EPB42: variants seen among roughly 807,000 people sequenced by gnomAD.
EPB42 encodes the protein protein 4.2.
In EPB42, 49 loss-of-function variants were observed where a neutral mutation model predicts 76.9. That is an observed-to-expected ratio of 0.64 (90% CI 0.51 to 0.81). The LOEUF (loss-of-function observed/expected upper bound fraction) is 0.81, where lower values mean the gene tolerates loss of function less well. EPB42 is among the 30% of genes least tolerant of loss of function. The probability of loss-of-function intolerance (pLI) is 0.00; values close to 1 mark genes in which losing one functional copy is unlikely to be tolerated. For missense variants in EPB42, 731 were observed against 867.6 expected (o/e 0.84, Z 1.98); for synonymous variants, 310 against 338.4 (o/e 0.92, Z 0.92).
At chr15:43,208,420 T>G in intron 7 of EPB42, 87 bp from the exon 8 acceptor site, 3 of 1,479,416 alleles carry the variant, frequency 2.0e-6, no homozygotes, top group Non-Finnish European at 2.8e-6. Flanking sequence ...GAGCTGTTGT[T>G]GTTCCAGTGG....
chr15:43,197,404 A>T lies in EPB42; in HGVS notation c.1974T>A (p.His658Gln). Residue 658 changes from histidine to glutamine, a missense_variant, in exon 13 of 13, where the codon CAT (histidine) becomes CAA (glutamine). Coordinates refer to ENST00000441366, the MANE Select transcript of EPB42 (RefSeq NM_001114134.2). Reference sequence around the variant, plus strand: ...CCACAGTGAGTCTCTGGAGCCCCACATGTGTTGGCGTGAACTGGAACTTGG... The same window carrying T: ...CCACAGTGAGTCTCTGGAGCCCCACTTGTGTTGGCGTGAACTGGAACTTGG... ...MCAKFQFTPT[H>Q]VGLQRLTVEV... The T allele has an allele frequency of 6.2e-7, 1 of 1,614,110 alleles. No homozygotes were observed. The highest frequency in any genetic ancestry group is 1.1e-5 in the South Asian group (1 of 91,078).
chr15:43,203,259 G>T lies in EPB42; in HGVS notation c.1635C>A (p.Ile545=). Reference sequence around the variant, plus strand: ...GCTCAAAATTGGAGAAGAACAGGCCGATGGTTATTATCTTTTCTGAAACAC... The same window carrying T: ...GCTCAAAATTGGAGAAGAACAGGCCTATGGTTATTATCTTTTCTGAAACAC... ...LSANLEKIIT[I]GLFFSNFERN... is the part of the protein sequence containing the mutation. Residue 545 remains isoleucine, a synonymous_variant, in exon 11 of 13, where the codon ATC becomes ATA. Coordinates refer to ENST00000441366, the MANE Select transcript of EPB42 (RefSeq NM_001114134.2). 6.2e-7 allele frequency: 1 copy of T among 1,614,174 alleles called. No homozygotes were observed. Among genetic ancestry groups the T allele is most frequent in the Non-Finnish European group, 8.5e-7 (1 of 1,180,038 alleles).
intron 2 of EPB42, 66 bp downstream of exon 2, chr15:43,216,202 G>T: frequency 3.2e-6 from 5 of 1,586,210 alleles, no homozygotes; most frequent in Non-Finnish European, 4.3e-6. Flanking sequence ...TCCCTAACAG[G>T]GTGCTGGAGA....
chr15:43,207,589 A>G (rs1596408862), intron 8 of EPB42, 148 bp from the exon 9 acceptor site: 4 of 1,325,454 alleles, frequency 3.0e-6, no homozygotes, highest in East Asian at 4.9e-5. Flanking sequence ...GGTTTCTGAG[A>G]GAGTCACAGA....
At chr15:43,213,110 A>G (rs1432630310) in intron 3 of EPB42, among the ~76,000 whole-genome samples, 1 of 152,104 alleles carries the variant, frequency 6.6e-6, no homozygotes, top group Non-Finnish European at 1.5e-5. Flanking sequence ...GAAGTCAGCT[A>G]GGCATCACTG....
chr15:43,206,516 G>A lies in EPB42; in HGVS notation c.1432C>T (p.Leu478Phe). The change falls in exon 10 of 13, where the codon CTC becomes TTC. Residue 478 changes from leucine (L) to phenylalanine (F), a missense_variant. Leu to Phe is a conservative substitution (Grantham distance 22). Transcript: ENST00000441366. This position sits in a 1 kb window ranked among gnomAD's most constrained non-coding sequence, Gnocchi z 4.7. ...GGTAGGGAGCTGGGTGCTTTCAAGAGCAGGTACAGAGGACTGGCAGTCTCG... is the reference window on the plus strand; with the variant it reads ...GGTAGGGAGCTGGGTGCTTTCAAGAACAGGTACAGAGGACTGGCAGTCTCG... ...SLETASPLYL[L>F]LKAPSSLPLR... The A allele has an allele frequency of 6.2e-7, 1 of 1,614,090 alleles. No homozygotes were observed. The highest frequency in any genetic ancestry group is 8.5e-7 in the Non-Finnish European group (1 of 1,179,922).
At position 43,208,200 on chromosome 15, in the gene EPB42, C is replaced by T. The variant is rs370391500; in HGVS notation, c.1075+30G>A. The T allele has an allele frequency of 9.4e-6, 15 of 1,597,160 alleles. No homozygotes were observed. The African/African-American group carries it at 1.3e-4, about 14-fold the overall frequency. Reference sequence around the variant, plus strand: ...GGGACTTCAGCTCTGTGCAGCCCTGCGTGGTCCTGGACCCACCCCTAGGCT... The same window carrying T: ...GGGACTTCAGCTCTGTGCAGCCCTGTGTGGTCCTGGACCCACCCCTAGGCT... On this transcript the variant is annotated intron_variant, in intron 8 of 12. Transcript: ENST00000441366.
At chr15:43,225,716 AAAG>A (rs144143884), upstream of EPB42, among the ~76,000 whole-genome samples, 551 of 152,292 alleles carry the variant, frequency 3.6e-3, 2 homozygotes, top group African/African-American at 0.013. Context: ...ATGCTGTAAA[AAAG>A]AAGTTTGAGT....
intron 1 of EPB42, 156 bp downstream of exon 1, chr15:43,220,660 A>ACCCCCCCCACTAT: frequency 7.2e-6 from 1 of 138,560 alleles, no homozygotes; most frequent in Non-Finnish European, 1.3e-5. Context: ...CCCCCCCCCC[A>ACCCCCCCCACTAT]CAGCCACCTC....
intron 4 of EPB42, 114 bp downstream of exon 4, chr15:43,211,302 A>G: frequency 1.3e-6 from 1 of 791,064 alleles, no homozygotes. Flanking sequence ...GAAATGGGCT[A>G]AAGAAATGGT....
chr15:43,220,128 C>T (rs961873689), intron 1 of EPB42, among the ~76,000 whole-genome samples: 1 of 152,072 alleles, frequency 6.6e-6, no homozygotes, highest in Non-Finnish European at 1.5e-5. Context: ...TCTATAGCAA[C>T]AGAACCACAG....
At chr15:43,221,745 G>T (rs1037094635), upstream of EPB42, among the ~76,000 whole-genome samples, 1 of 146,882 alleles carries the variant, frequency 6.8e-6, no homozygotes, top group Admixed American at 6.8e-5. Flanking sequence ...GGGTAGAAAG[G>T]TTATCTTTCT....
Position 43,197,229 on chromosome 15 carries a change from T to C in EPB42, c.*73A>G. The C allele has an allele frequency of 6.3e-7, 1 of 1,599,678 alleles. No individual in the cohort carries two copies. Among genetic ancestry groups the C allele is most frequent in the South Asian group, 1.1e-5 (1 of 89,962 alleles). On this transcript the variant is annotated 3_prime_UTR_variant, in exon 13 of 13. Coordinates refer to ENST00000441366, the MANE Select transcript of EPB42 (RefSeq NM_001114134.2). ...AACACAAACACTGAGACGCAAAGTT[T>C]CTCTTCCTAGCACATGTTTGGTTTA...
chr15:43,215,606 TGC>T (rs2042366191), intron 2 of EPB42, among the ~76,000 whole-genome samples: 1 of 148,250 alleles, frequency 6.7e-6, no homozygotes. Flanking sequence ...GTGAAGTACT[TGC>T]ATACATCTGA....
intron 4 of EPB42, among the ~76,000 whole-genome samples, chr15:43,210,808 G>A (rs756788638): frequency 1.3e-5 from 2 of 152,156 alleles, no homozygotes; most frequent in African/African-American, 4.8e-5. Context: ...GGAGGATACC[G>A]AGGCAGCTCC....
In EPB42 at chr15:43,203,224, G is replaced by A. The variant is rs960007262; in HGVS notation, c.1670C>T (p.Pro557Leu). Residue 557 changes from proline (P) to leucine (L), a missense_variant, in exon 11 of 13, where the codon CCC (proline) becomes CTC (leucine). By Grantham distance (98) the Pro-to-Leu change is moderately conservative. Coordinates refer to ENST00000441366, the MANE Select transcript of EPB42 (RefSeq NM_001114134.2). ...LFFSNFERNPPENTFLRLTAM... is the reference protein window; with the variant it reads ...LFFSNFERNPLENTFLRLTAM... The stretch of plus-strand genomic sequence containing the variant: ...GGTGAGTCTAAGGAAGGTGTTCTCG[G>A]GTGGGTTTCGCTCAAAATTGGAGAA... 6 of 1,614,016 alleles carry A rather than the reference G, an allele frequency of 3.7e-6. No individual in the cohort carries two copies. The Admixed American group carries it at 6.7e-5, about 18-fold the overall frequency.
upstream of EPB42, among the ~76,000 whole-genome samples, chr15:43,225,265 C>T (rs1023153022): frequency 5.9e-5 from 9 of 152,138 alleles, no homozygotes; most frequent in Admixed American, 5.9e-4. Flanking sequence ...TTCTATATAC[C>T]CTTTGTATCT....
chr15:43,225,440 CCTT>C (rs1471167709), upstream of EPB42, among the ~76,000 whole-genome samples: 2 of 152,182 alleles, frequency 1.3e-5, no homozygotes, highest in Non-Finnish European at 2.9e-5. Flanking sequence ...AATGTGTTCT[CCTT>C]CTGGTTCTAG....
upstream of EPB42, among the ~76,000 whole-genome samples, chr15:43,222,978 A>G (rs2042475623): frequency 6.6e-6 from 1 of 152,242 alleles, no homozygotes; most frequent in Non-Finnish European, 1.5e-5. Flanking sequence ...AAATACTGAG[A>G]AATTTGATTC....
Sources: gnomAD v4.1 joint callset for allele counts (sites outside exome capture counted in the v4.1 genomes callset) on GRCh38, gnomAD v4.1.1 for gene constraint, Gnocchi (gnomAD v3.1) non-coding constraint, MANE v1.5 for transcripts, NCBI Gene and HGNC (gene_info 2026-07-23, HGNC 2026-07-21) for gene names.